Variants in STPG1 observed in about 807,000 individuals in gnomAD.
The protein encoded by STPG1 is sperm tail PG-rich repeat containing 1, also known as O(6)-methylguanine-induced apoptosis 2.
Under a neutral mutation model 40.1 loss-of-function variants are expected in STPG1, and 33 were observed. The observed-to-expected ratio is 0.82, with a 90% CI of 0.62 to 1.10. The LOEUF (loss-of-function observed/expected upper bound fraction) is 1.10. STPG1 is among the 50% of genes least tolerant of loss of function. STPG1 has a pLI of 0.00. For synonymous variants in STPG1, 150 were observed against 155.0 expected (o/e 0.97, Z 0.24); for missense variants, 396 against 415.1 (o/e 0.95, Z 0.40).
intron 2 of STPG1, 44 bp from the exon 3 acceptor site, chr1:24,391,723 A>G: frequency 7.2e-7 from 1 of 1,392,492 alleles, no homozygotes; most frequent in Non-Finnish European, 9.9e-7. Context: ...ATACAAAACA[A>G]TGATTGACAA....
chr1:24,388,989 C>T (rs369255481), intron 3 of STPG1, among the ~76,000 whole-genome samples: 27 of 152,242 alleles, frequency 1.8e-4, no homozygotes, highest in African/African-American at 5.3e-4. Flanking sequence ...TTGATGGATC[C>T]CCTGCCCTTT....
intron 2 of STPG1, among the ~76,000 whole-genome samples, chr1:24,400,517 C>T (rs904390473): frequency 6.6e-6 from 1 of 152,062 alleles, no homozygotes; most frequent in East Asian, 1.9e-4. Flanking sequence ...TATATTTATG[C>T]TTCAATTTAA....
intron 2 of STPG1, 185 bp from the exon 3 acceptor site, chr1:24,391,864 A>G (rs1414706044): frequency 7.5e-7 from 1 of 1,325,136 alleles, no homozygotes. Flanking sequence ...CCCTCTCGGC[A>G]ATTTATCGGA....
intron 3 of STPG1, among the ~76,000 whole-genome samples, chr1:24,384,882 C>T (rs1043133863): frequency 6.6e-6 from 1 of 152,184 alleles, no homozygotes; most frequent in Non-Finnish European, 1.5e-5. Flanking sequence ...CCCAAGGTCC[C>T]GCTGCTGTAA....
chr1:24,391,872 G>T, intron 2 of STPG1, 193 bp from the exon 3 acceptor site: 2 of 1,319,674 alleles, frequency 1.5e-6, no homozygotes, highest in Non-Finnish European at 9.6e-7. Context: ...GCAATTTATC[G>T]GACTTCCCCC....
intron 3 of STPG1, among the ~76,000 whole-genome samples, chr1:24,388,234 T>A (rs2148702815): frequency 6.6e-6 from 1 of 152,170 alleles, no homozygotes; most frequent in African/African-American, 2.4e-5. Flanking sequence ...TCCTTAGGGG[T>A]ACACAGTTTG....
At position 24,358,462 on chromosome 1, in the gene STPG1, G is replaced by A. The variant is rs760282869; in HGVS notation, c.*81C>T. The A allele has an allele frequency of 8.3e-7, 1 of 1,207,476 alleles. No homozygotes were observed. The highest frequency in any genetic ancestry group is 1.2e-6 in the Non-Finnish European group (1 of 809,026). The allele number at this position is 1,207,476 out of a possible 1,614,324, so 74.8% of individuals were successfully genotyped here. ...TTGTCAGCTGCCACACTCATGATCG[G>A]TCTCCTCCTGAGGAATGTCCTGGGG... On this transcript the variant is annotated 3_prime_UTR_variant, in exon 9 of 9. Transcript: ENST00000337248.
intron 2 of STPG1, chr1:24,392,136 G>A (rs1409381409): frequency 2.1e-6 from 2 of 965,986 alleles, no homozygotes; most frequent in South Asian, 9.3e-5. Context: ...CCTGGGGCTG[G>A]CTCTCACTTT....
upstream of STPG1, chr1:24,414,126 C>T (rs1012902467): frequency 4.6e-5 from 7 of 152,222 alleles, no homozygotes; most frequent in Admixed American, 2.0e-4. Context: ...TCACTGCAAC[C>T]TCCGCCCTCC....
At chr1:24,366,608 T>C (rs964305888) in intron 7 of STPG1, among the ~76,000 whole-genome samples, 3 of 152,216 alleles carry the variant, frequency 2.0e-5, no homozygotes, top group African/African-American at 7.2e-5. Flanking sequence ...ACGTTAATTT[T>C]AAAATACATA....
At chr1:24,373,913 G>C in intron 5 of STPG1, 103 bp from the exon 6 acceptor site, 1 of 812,972 alleles carries the variant, frequency 1.2e-6, no homozygotes, top group South Asian at 1.5e-5. Context: ...AAATCAAACC[G>C]AAACCTGTCC....
At chr1:24,364,056 C>A in intron 7 of STPG1, 1 of 1,329,430 alleles carries the variant, frequency 7.5e-7, no homozygotes, top group Non-Finnish European at 9.8e-7. Context: ...TCCGTTTTAC[C>A]TTCCAGAAAC....
intron 1 of STPG1, among the ~76,000 whole-genome samples, chr1:24,410,337 G>A (rs564048813): frequency 1.4e-3 from 219 of 152,236 alleles, no homozygotes; most frequent in African/African-American, 4.5e-3. Flanking sequence ...ATGGCCGAGC[G>A]CTGTGGCTCA....
At chr1:24,401,252 A>G (rs1643215002) in intron 2 of STPG1, 67 bp downstream of exon 2, 1 of 1,434,780 alleles carries the variant, frequency 7.0e-7, no homozygotes, top group Non-Finnish European at 9.8e-7. Context: ...TTCCCCCCAA[A>G]TTTGCTCTTA....
In STPG1 at chr1:24,364,359, A is replaced by G. The variant is rs910262356; in HGVS notation, c.738-3318T>C. 14 of 1,542,684 alleles carry G rather than the reference A, an allele frequency of 9.1e-6. 1 individual carries two copies. The highest frequency in any genetic ancestry group is 3.3e-4 in the Middle Eastern group (2 of 5,988). On this transcript the variant is annotated intron_variant, in intron 7 of 8. Coordinates refer to ENST00000337248, the MANE Select transcript of STPG1 (RefSeq NM_001199013.2). ...CCGTCAACAGCCTGCACTTCACTGTAAACTCGGAATGACACACCCACCTGG... is the reference window on the plus strand; with the variant it reads ...CCGTCAACAGCCTGCACTTCACTGTGAACTCGGAATGACACACCCACCTGG...
chr1:24,401,112 T>C, intron 2 of STPG1: 1 of 456,702 alleles, frequency 2.2e-6, no homozygotes, highest in Non-Finnish European at 3.9e-6. Context: ...TTTAACAGAC[T>C]TCCTCCTTCT....
intron 5 of STPG1, among the ~76,000 whole-genome samples, chr1:24,377,773 T>C (rs12135404): frequency 0.4 from 60,936 of 151,994 alleles, 12,622 homozygotes; most frequent in African/African-American, 0.5. Context: ...AGGGCTGGAA[T>C]GAGGTGACTT....
chr1:24,405,206 C>G (rs892551083), intron 1 of STPG1, among the ~76,000 whole-genome samples: 1 of 152,182 alleles, frequency 6.6e-6, no homozygotes, highest in Non-Finnish European at 1.5e-5. Context: ...AATCTGCCCA[C>G]CTTGGCCTCC....
intron 3 of STPG1, among the ~76,000 whole-genome samples, chr1:24,385,365 A>G (rs1447879659): frequency 1.3e-5 from 2 of 152,164 alleles, no homozygotes; most frequent in Admixed American, 6.5e-5. Flanking sequence ...AGAGGAACTG[A>G]CTGCCATGGA....
Sources: allele counts gnomAD v4.1 joint callset (sites outside exome capture counted in the v4.1 genomes callset), GRCh38; gene constraint gnomAD v4.1.1; transcripts MANE v1.5; gene names NCBI Gene and HGNC (gene_info 2026-07-23, HGNC 2026-07-21).